Variants in GALNT17 observed in about 807,000 individuals in gnomAD.
GALNT17 encodes the protein UDP-GalNAc:polypeptide N-acetylgalactosaminyltransferase-like 3.
GALNT17 carries 29 observed loss-of-function variants against 63.7 expected under a neutral mutation model. The observed-to-expected ratio is 0.46, with a 90% confidence interval of 0.34 to 0.62. The LOEUF (loss-of-function observed/expected upper bound fraction) is 0.62. Ranked by LOEUF, GALNT17 falls within the 20% of genes least tolerant of loss-of-function variation. The pLI, the probability that GALNT17 is intolerant of heterozygous loss-of-function variation, is 0.01. For synonymous variants in GALNT17, 305 were observed against 318.3 expected, an observed-to-expected ratio of 0.96 and a Z score of 0.45; for missense variants, 603 against 799.6, an observed-to-expected ratio of 0.75 and a Z score of 2.97.
chr7:71,622,894 G>T (rs949577001), intron 6 of GALNT17, among the ~76,000 whole-genome samples: 9 of 152,120 alleles, frequency 5.9e-5, no homozygotes, highest in African/African-American at 1.7e-4. Context: ...ATTCCCATGG[G>T]GATGAATCAA....
At chr7:71,135,256 T>C (rs1787761819) in intron 1 of GALNT17, among the ~76,000 whole-genome samples, 1 of 152,224 alleles carries the variant, frequency 6.6e-6, no homozygotes, top group Admixed American at 6.5e-5. Flanking sequence ...GAATTCTTGC[T>C]GTGTGCCAGA....
intron 1 of GALNT17, among the ~76,000 whole-genome samples, chr7:71,295,357 C>G (rs1260860629): frequency 6.6e-6 from 1 of 152,166 alleles, no homozygotes; most frequent in African/African-American, 2.4e-5. Context: ...CAGCTTGCCT[C>G]TTACCTAACA....
rs141742113 is a variant in GALNT17, at chr7:71,191,921, A to G, written c.238+58881A>G. On this transcript the variant is annotated intron_variant, in intron 1 of 10. Transcript: ENST00000333538. The stretch of plus-strand genomic sequence containing the variant: ...ATTGACTCACAGGATCGCAAGGTGA[A>G]GTCCCATGATAGGCCATCTGCTAGT... Among the ~76,000 whole-genome samples the G allele has an allele frequency of 7.8e-3, 1,183 of 152,326 alleles. 19 individuals are homozygous for G. Among genetic ancestry groups the G allele is most frequent in the Middle Eastern group, 0.014 (4 of 294 alleles).
intron 6 of GALNT17, among the ~76,000 whole-genome samples, chr7:71,587,855 G>A (rs1038426817): frequency 6.6e-6 from 1 of 152,190 alleles, no homozygotes; most frequent in East Asian, 1.9e-4. Flanking sequence ...GGAATCTTAT[G>A]CAGATTATGT....
At chr7:71,485,406 A>G (rs947414956) in intron 5 of GALNT17, among the ~76,000 whole-genome samples, 4 of 152,144 alleles carry the variant, frequency 2.6e-5, no homozygotes, top group African/African-American at 9.6e-5. Flanking sequence ...ATTGTCAGGC[A>G]TTTTTGTTCT....
At chr7:71,556,980 G>A (rs1186853641) in intron 5 of GALNT17, among the ~76,000 whole-genome samples, 1 of 151,854 alleles carries the variant, frequency 6.6e-6, no homozygotes, top group Non-Finnish European at 1.5e-5. Flanking sequence ...GTAGACTCCT[G>A]GGCTCAAGCA....
At chr7:71,292,372 A>G (rs1790993618) in intron 1 of GALNT17, among the ~76,000 whole-genome samples, 2 of 152,334 alleles carry the variant, frequency 1.3e-5, no homozygotes, top group South Asian at 2.1e-4. Flanking sequence ...TCAAGTCTGT[A>G]TAGGCAATAG....
chr7:71,623,372 G>A (rs865894365), intron 6 of GALNT17, among the ~76,000 whole-genome samples: 17 of 150,228 alleles, frequency 1.1e-4, no homozygotes, highest in African/African-American at 3.7e-4. Context: ...ACGTGTAAGC[G>A]CTTGTTTCTG....
At chr7:71,448,778 C>A (rs1787204812) in intron 5 of GALNT17, among the ~76,000 whole-genome samples, 1 of 152,138 alleles carries the variant, frequency 6.6e-6, no homozygotes, top group African/African-American at 2.4e-5. Context: ...CAATTCCAAA[C>A]TCATCAAGTT....
chr7:71,426,565 T>C (rs1410323785), intron 5 of GALNT17, among the ~76,000 whole-genome samples: 1 of 152,188 alleles, frequency 6.6e-6, no homozygotes, highest in Non-Finnish European at 1.5e-5. Flanking sequence ...TCTTGGCTTT[T>C]GAGGAGGCCT....
chr7:71,244,716 AG>A (rs572863050), intron 1 of GALNT17, among the ~76,000 whole-genome samples: 146 of 152,258 alleles, frequency 9.6e-4, no homozygotes, highest in Non-Finnish European at 1.6e-3. Context: ...TGCAACACTG[AG>A]GTGGAAGGAT....
At chr7:71,386,341 T>A (rs1172474557) in intron 2 of GALNT17, among the ~76,000 whole-genome samples, 1 of 152,204 alleles carries the variant, frequency 6.6e-6, no homozygotes, top group African/African-American at 2.4e-5. Context: ...TCTCTCTCAC[T>A]CCATGGCTTC....
chr7:71,404,830 G>C (rs1056531800), intron 3 of GALNT17, among the ~76,000 whole-genome samples: 14 of 152,182 alleles, frequency 9.2e-5, no homozygotes, highest in African/African-American at 1.4e-4. Context: ...CCTCTTCTCT[G>C]CGGAGCACTG....
chr7:71,384,497 C>A (rs777388794), intron 2 of GALNT17, among the ~76,000 whole-genome samples: 21 of 152,332 alleles, frequency 1.4e-4, no homozygotes, highest in South Asian at 8.3e-4. Context: ...CCCACAGTTT[C>A]CGTCCCATGT....
chr7:71,286,563 C>A (rs556608776), intron 1 of GALNT17, among the ~76,000 whole-genome samples: 2 of 147,634 alleles, frequency 1.4e-5, no homozygotes, highest in Admixed American at 6.6e-5. Flanking sequence ...TTCCATCTGC[C>A]TCTCAGGAGG....
At chr7:71,160,135 G>A (rs1788315187) in intron 1 of GALNT17, among the ~76,000 whole-genome samples, 1 of 152,012 alleles carries the variant, frequency 6.6e-6, no homozygotes, top group Non-Finnish European at 1.5e-5. Flanking sequence ...TGGGGAAACA[G>A]GGAAAAATGG....
chr7:71,225,781 A>G (rs540684550), intron 1 of GALNT17, among the ~76,000 whole-genome samples: 28 of 152,362 alleles, frequency 1.8e-4, no homozygotes, highest in African/African-American at 6.0e-4. Context: ...TAAATGAGCA[A>G]TAATGGGCAA....
At chr7:71,265,118 A>ATATATATATATT (rs1390488895) in intron 1 of GALNT17, among the ~76,000 whole-genome samples, 1 of 37,460 alleles carries the variant, frequency 2.7e-5, no homozygotes. Flanking sequence ...ATATATATAT[A>ATATATATATATT]TTTTTTTTTT....
At chr7:71,289,678 GA>G (rs1790941325) in intron 1 of GALNT17, among the ~76,000 whole-genome samples, 1 of 152,060 alleles carries the variant, frequency 6.6e-6, no homozygotes, top group South Asian at 2.1e-4. Flanking sequence ...TTGGGAGTTC[GA>G]GACCAGCCTG....
Sources: allele counts gnomAD v4.1 joint callset (sites outside exome capture counted in the v4.1 genomes callset), GRCh38; gene constraint gnomAD v4.1.1; transcripts MANE v1.5; gene names NCBI Gene and HGNC (gene_info 2026-07-23, HGNC 2026-07-21).